STIMATE: variants seen among roughly 807,000 people sequenced by gnomAD.
STIMATE encodes store-operated calcium entry regulator STIMATE.
In STIMATE, 15 loss-of-function variants were observed where a neutral mutation model predicts 36.7. The ratio of observed to expected loss-of-function variants is 0.41; its 90% CI spans 0.27 to 0.63. STIMATE has a LOEUF of 0.63. STIMATE is among the 20% of genes least tolerant of loss of function. STIMATE has a pLI of 0.32. For missense variants in STIMATE, 305 were observed against 397.3 expected, an observed-to-expected ratio of 0.77 and a Z score of 1.98; for synonymous variants, 163 against 162.3, an observed-to-expected ratio of 1.00 and a Z score of -0.03.
At chr3:52,866,530 C>T (rs573508968) in intron 1 of STIMATE, among the ~76,000 whole-genome samples, 20 of 152,372 alleles carry the variant, frequency 1.3e-4, no homozygotes, top group Non-Finnish European at 2.5e-4. Flanking sequence ...TTGGGCAGTG[C>T]TACTGGTGCC....
intron 1 of STIMATE, among the ~76,000 whole-genome samples, chr3:52,882,115 G>C (rs1039516931): frequency 2.0e-5 from 3 of 152,242 alleles, no homozygotes; most frequent in Non-Finnish European, 4.4e-5. Context: ...TGGGGCTGGA[G>C]GATGTGCTTC....
intron 1 of STIMATE, among the ~76,000 whole-genome samples, chr3:52,886,431 T>C (rs1260749996): frequency 6.6e-6 from 1 of 152,186 alleles, no homozygotes; most frequent in African/African-American, 2.4e-5. Flanking sequence ...GTGCCTGTTT[T>C]CCCAGGTGTA....
At chr3:52,852,473 G>A in intron 3 of STIMATE, 130 bp downstream of exon 3, 3 of 1,100,686 alleles carry the variant, frequency 2.7e-6, no homozygotes, top group Non-Finnish European at 2.7e-6. Context: ...TCTCTCAGAG[G>A]AGCACAGAGG....
intron 1 of STIMATE, among the ~76,000 whole-genome samples, chr3:52,876,243 G>A (rs529498932): frequency 6.6e-6 from 1 of 152,284 alleles, no homozygotes; most frequent in Admixed American, 6.5e-5. Flanking sequence ...AAGTCCAACA[G>A]GCAGCAAGCA....
At chr3:52,872,212 T>C (rs1338687119) in intron 1 of STIMATE, among the ~76,000 whole-genome samples, 1 of 152,224 alleles carries the variant, frequency 6.6e-6, no homozygotes, top group Non-Finnish European at 1.5e-5. Context: ...TTCTCCCTAC[T>C]AGAAAGTAAG....
At chr3:52,850,566 G>C (rs988916675) in intron 3 of STIMATE, among the ~76,000 whole-genome samples, 10 of 152,224 alleles carry the variant, frequency 6.6e-5, no homozygotes, top group Non-Finnish European at 1.0e-4. Context: ...CCTAGGCAAT[G>C]ATTCTGCTCA....
chr3:52,879,951 G>A (rs1255757438), intron 1 of STIMATE, among the ~76,000 whole-genome samples: 2 of 152,160 alleles, frequency 1.3e-5, no homozygotes, highest in African/African-American at 2.4e-5. Context: ...TCTGGAGACG[G>A]GCTTGCTGGG....
chr3:52,897,322 C>G lies in STIMATE; in HGVS notation c.129G>C (p.Leu43=). The G allele has an allele frequency of 1.3e-6, 2 of 1,552,664 alleles. No homozygotes were observed. Among genetic ancestry groups the G allele is most frequent in the Non-Finnish European group, 1.7e-6 (2 of 1,156,996 alleles). ...MHSFGIFLQG[L]LGVVAFSTLM... ...ACGTGCTGAAGGCCACGACGCCGAG[C>G]AGCCCCTGCAGGAAGATGCCGAAGC... The change falls in exon 1 of 8, where the codon CTG becomes CTC. Residue 43 remains leucine, a synonymous_variant. Transcript: ENST00000355083.
chr3:52,883,367 A>T (rs1423238579), intron 1 of STIMATE, among the ~76,000 whole-genome samples: 5 of 152,088 alleles, frequency 3.3e-5, no homozygotes, highest in Non-Finnish European at 7.4e-5. Flanking sequence ...TTGCTTTTAC[A>T]ATTTTCTTTT....
chr3:52,890,438 G>A (rs1168501957), intron 1 of STIMATE, among the ~76,000 whole-genome samples: 1 of 152,216 alleles, frequency 6.6e-6, no homozygotes, highest in Non-Finnish European at 1.5e-5. Context: ...GCCCCCCAGG[G>A]GGCAGTTGGC....
At chr3:52,867,535 G>A (rs1043976123) in intron 1 of STIMATE, among the ~76,000 whole-genome samples, 23 of 152,244 alleles carry the variant, frequency 1.5e-4, no homozygotes, top group African/African-American at 5.1e-4. Flanking sequence ...ATGACCCGGA[G>A]GCAGAAACAC....
At chr3:52,895,442 G>C (rs1384861983) in intron 1 of STIMATE, among the ~76,000 whole-genome samples, 2 of 152,046 alleles carry the variant, frequency 1.3e-5, no homozygotes, top group African/African-American at 2.4e-5. Context: ...ATCACCCCAG[G>C]ACCCACCAGC....
chr3:52,868,381 A>G (rs1701347416), intron 1 of STIMATE, among the ~76,000 whole-genome samples: 1 of 152,220 alleles, frequency 6.6e-6, no homozygotes, highest in African/African-American at 2.4e-5. Flanking sequence ...CTTTTTAAGG[A>G]GAAATGGAGG....
intron 1 of STIMATE, among the ~76,000 whole-genome samples, chr3:52,884,406 C>T (rs4687562): frequency 0.59 from 88,845 of 151,824 alleles, 26,527 homozygotes; most frequent in South Asian, 0.82. Flanking sequence ...CCACCACGCC[C>T]GGCTAATTTT....
At position 52,847,965 on chromosome 3, in the gene STIMATE, G is replaced by C; in HGVS notation, c.427+1827C>G. 1.2e-5 allele frequency: 2 copies of C among 172,894 alleles called. 1 individual carries two copies. 10.7% of individuals were successfully genotyped at this position (172,894 alleles called of 1,614,324 possible). On this transcript the variant is annotated intron_variant, in intron 4 of 7. Coordinates refer to ENST00000355083, the MANE Select transcript of STIMATE (RefSeq NM_198563.5). ...CAAGGCTTACAGGCAGACTCTAGAGGCTGGAAAGGGCGAGAAAACAATCTT... is the reference window on the plus strand; with the variant it reads ...CAAGGCTTACAGGCAGACTCTAGAGCCTGGAAAGGGCGAGAAAACAATCTT...
At position 52,843,705 on chromosome 3, in the gene STIMATE, G is replaced by A. The variant is rs1029596850; in HGVS notation, c.618+16C>T. 5.0e-6 allele frequency: 8 copies of A among 1,614,056 alleles called. No homozygotes were observed. Among genetic ancestry groups the A allele is most frequent in the East Asian group, 2.2e-5 (1 of 44,880 alleles). ...ACAGGGAGCAAATCGGGATAAAAATGCAACATGGCACTGACGTTGACAAAG... is the reference window on the plus strand; with the variant it reads ...ACAGGGAGCAAATCGGGATAAAAATACAACATGGCACTGACGTTGACAAAG... On this transcript the variant is annotated intron_variant, in intron 6 of 7. Transcript: ENST00000355083.
chr3:52,896,828 T>G (rs1401884045), intron 1 of STIMATE, among the ~76,000 whole-genome samples: 1 of 152,012 alleles, frequency 6.6e-6, no homozygotes, highest in Non-Finnish European at 1.5e-5. Flanking sequence ...GGATGCAAAG[T>G]AGCAGGATTT....
chr3:52,881,682 A>T (rs1038349821), intron 1 of STIMATE, among the ~76,000 whole-genome samples: 2 of 152,212 alleles, frequency 1.3e-5, no homozygotes, highest in Non-Finnish European at 2.9e-5. Context: ...AGCCCGGGCG[A>T]CAGAGTGAGA....
intron 1 of STIMATE, among the ~76,000 whole-genome samples, chr3:52,859,502 C>CAAAAAAAAAAAAAA (rs34298807): frequency 6.4e-5 from 1 of 15,636 alleles, no homozygotes; most frequent in African/African-American, 2.1e-4. Context: ...CCCATTTCTC[C>CAAAAAAAAAAAAAA]AAAAAAAAAA....
Sources: allele counts gnomAD v4.1 joint callset (sites outside exome capture counted in the v4.1 genomes callset), GRCh38; gene constraint gnomAD v4.1.1; transcripts MANE v1.5; gene names NCBI Gene and HGNC (gene_info 2026-07-23, HGNC 2026-07-21).